The following MDFIC variants were observed in gnomAD, a reference collection of about 807,000 sequenced individuals.
MDFIC encodes the protein MyoD family inhibitor domain containing.
A neutral mutation model predicts 23.2 loss-of-function variants in MDFIC; 17 were observed. The observed-to-expected ratio is 0.73, with a 90% CI of 0.50 to 1.10. The LOEUF (loss-of-function observed/expected upper bound fraction) is 1.10. Ranked by LOEUF, MDFIC falls within the 50% of genes least tolerant of loss-of-function variation. The probability of loss-of-function intolerance (pLI) is 0.00; values close to 1 mark genes in which losing one functional copy is unlikely to be tolerated. For synonymous variants in MDFIC, 120 were observed against 115.2 expected, an observed-to-expected ratio of 1.04 and a Z score of -0.27; for missense variants, 356 against 316.6, an observed-to-expected ratio of 1.12 and a Z score of -0.95.
At chr7:114,977,977 T>G (rs1376534605) in intron 3 of MDFIC, among the ~76,000 whole-genome samples, 1 of 148,150 alleles carries the variant, frequency 6.7e-6, no homozygotes, top group African/African-American at 2.4e-5. Flanking sequence ...TATATTAGAT[T>G]ATATTGATAT....
chr7:114,976,589 G>A (rs905079312), intron 3 of MDFIC, among the ~76,000 whole-genome samples: 2 of 151,992 alleles, frequency 1.3e-5, no homozygotes, highest in African/African-American at 4.8e-5. Flanking sequence ...TTTACTTTTA[G>A]ACTATTATTC....
intron 4 of MDFIC, among the ~76,000 whole-genome samples, chr7:115,002,883 TAGTG>T (rs1279869696): frequency 6.6e-6 from 1 of 152,196 alleles, no homozygotes; most frequent in Non-Finnish European, 1.5e-5. Flanking sequence ...AATATATGTG[TAGTG>T]AGTGTGTGTA....
At chr7:114,971,914 A>C (rs1220968854) in intron 3 of MDFIC, among the ~76,000 whole-genome samples, 1 of 152,174 alleles carries the variant, frequency 6.6e-6, no homozygotes. Context: ...GTTTATTTGC[A>C]AAAAGGCTTT....
At chr7:115,011,786 T>A (rs1791687014) in intron 4 of MDFIC, among the ~76,000 whole-genome samples, 1 of 152,196 alleles carries the variant, frequency 6.6e-6, no homozygotes, top group Admixed American at 6.5e-5. Context: ...TAGTTTGGAA[T>A]GTCACTCCCA....
intron 4 of MDFIC, among the ~76,000 whole-genome samples, chr7:114,985,334 G>C (rs1793492345): frequency 6.6e-6 from 1 of 152,248 alleles, no homozygotes; most frequent in East Asian, 1.9e-4. Flanking sequence ...GGTTCATAGA[G>C]GGGTCAGGAA....
intron 4 of MDFIC, among the ~76,000 whole-genome samples, chr7:114,981,659 G>A (rs754705422): frequency 3.9e-5 from 6 of 152,172 alleles, no homozygotes; most frequent in Admixed American, 3.9e-4. Context: ...AAATTTAAAT[G>A]TATAAACACA....
At chr7:114,972,137 G>A (rs1793217360) in intron 3 of MDFIC, among the ~76,000 whole-genome samples, 1 of 152,100 alleles carries the variant, frequency 6.6e-6, no homozygotes, top group Admixed American at 6.6e-5. Flanking sequence ...GGGAGGGAGG[G>A]AATGTTTAGG....
At chr7:114,969,489 A>G (rs1793165310) in intron 3 of MDFIC, among the ~76,000 whole-genome samples, 1 of 152,200 alleles carries the variant, frequency 6.6e-6, no homozygotes, top group South Asian at 2.1e-4. Flanking sequence ...GGAACTCTAT[A>G]TAATAATCAA....
chr7:115,016,788 A>G lies in MDFIC; in HGVS notation c.*853A>G, dbSNP rs1038656023. The G allele has an allele frequency of 2.6e-5, 4 of 152,548 alleles. 1 individual carries two copies. The highest frequency in any genetic ancestry group is 6.8e-3 in the Middle Eastern group (2 of 296). The allele number at this position is 152,548 out of a possible 1,614,324, so 9.4% of individuals were successfully genotyped here. A position where few individuals can be genotyped will look rare whatever the true frequency, so the allele number is the denominator to read the frequency against. On this transcript the variant is annotated 3_prime_UTR_variant, in exon 5 of 5. Transcript: ENST00000393486. ...CTCCCTTACCTTCTCCACTTGTTCA[A>G]CAGACTCTGAATGCCGACTGTGTGG...
intron 4 of MDFIC, among the ~76,000 whole-genome samples, chr7:114,981,195 A>G (rs1793411674): frequency 6.6e-6 from 1 of 152,198 alleles, no homozygotes; most frequent in Non-Finnish European, 1.5e-5. Context: ...TGTTTTATAC[A>G]TTTGAATTCA....
chr7:114,925,687 C>T (rs545899693), intron 2 of MDFIC, among the ~76,000 whole-genome samples: 1 of 152,118 alleles, frequency 6.6e-6, no homozygotes, highest in East Asian at 1.9e-4. Flanking sequence ...AAACAACATT[C>T]CTCAGTTTTA....
At chr7:115,012,583 T>C (rs1791702062) in intron 4 of MDFIC, among the ~76,000 whole-genome samples, 1 of 152,186 alleles carries the variant, frequency 6.6e-6, no homozygotes, top group African/African-American at 2.4e-5. Flanking sequence ...TTACTTAGCA[T>C]GTATGTTAGG....
intron 3 of MDFIC, among the ~76,000 whole-genome samples, chr7:114,964,227 A>G (rs2594454): frequency 0.98 from 149,769 of 152,266 alleles, 73,710 homozygotes; most frequent in East Asian, 1. Context: ...ATAATAATTG[A>G]CCTTATGAAT....
chr7:114,990,103 A>G (rs144908793), intron 4 of MDFIC, among the ~76,000 whole-genome samples: 129 of 152,330 alleles, frequency 8.5e-4, no homozygotes, highest in African/African-American at 3.0e-3. Flanking sequence ...GGTTAATTTT[A>G]AAATATATTT....
chr7:115,008,909 C>T (rs1055114850), intron 4 of MDFIC, among the ~76,000 whole-genome samples: 4 of 152,202 alleles, frequency 2.6e-5, no homozygotes, highest in Non-Finnish European at 4.4e-5. Flanking sequence ...TGCACAGAGT[C>T]CTGTTATACC....
At chr7:115,003,574 G>T (rs1439582051) in intron 4 of MDFIC, among the ~76,000 whole-genome samples, 1 of 152,004 alleles carries the variant, frequency 6.6e-6, no homozygotes, top group Admixed American at 6.6e-5. Flanking sequence ...GACCCCACTG[G>T]CACTATATTA....
At chr7:114,967,314 G>T (rs1419622946) in intron 3 of MDFIC, among the ~76,000 whole-genome samples, 1 of 152,128 alleles carries the variant, frequency 6.6e-6, no homozygotes, top group Non-Finnish European at 1.5e-5. Context: ...CTCCTGGAGG[G>T]TTTCTGGAAA....
intron 3 of MDFIC, among the ~76,000 whole-genome samples, chr7:114,974,382 A>G (rs946567133): frequency 5.9e-5 from 9 of 152,044 alleles, no homozygotes; most frequent in African/African-American, 1.9e-4. Flanking sequence ...CACCAGTAAA[A>G]GCTTTGTTGC....
intron 4 of MDFIC, among the ~76,000 whole-genome samples, chr7:115,008,854 A>T (rs1791623883): frequency 6.6e-6 from 1 of 152,216 alleles, no homozygotes; most frequent in Non-Finnish European, 1.5e-5. Flanking sequence ...CAGTCACAGT[A>T]AAGCAGTATC....
Sources: gnomAD v4.1 joint callset for allele counts (sites outside exome capture counted in the v4.1 genomes callset) on GRCh38, gnomAD v4.1.1 for gene constraint, MANE v1.5 for transcripts, NCBI Gene and HGNC (gene_info 2026-07-23, HGNC 2026-07-21) for gene names.